Variants in RBM47 observed in about 807,000 individuals in gnomAD.
RBM47 encodes RNA binding motif protein 47, also known as RNA-binding protein 47.
A neutral mutation model predicts 47.1 loss-of-function variants in RBM47; 21 were observed. That is an observed-to-expected ratio of 0.45 (90% confidence interval 0.32 to 0.64). RBM47 has a LOEUF of 0.64. RBM47 is among the 30% of genes least tolerant of loss of function. The pLI is 0.05. For synonymous variants in RBM47, 375 were observed against 361.7 expected, an observed-to-expected ratio of 1.04 and a Z score of -0.42; for missense variants, 708 against 870.9, an observed-to-expected ratio of 0.81 and a Z score of 2.35.
At chr4:40,459,291 A>T (rs978341098) in intron 3 of RBM47, among the ~76,000 whole-genome samples, 1 of 152,242 alleles carries the variant, frequency 6.6e-6, no homozygotes, top group Admixed American at 6.5e-5. Flanking sequence ...GAATGAATGA[A>T]TGTGCACTGT....
intron 2 of RBM47, among the ~76,000 whole-genome samples, chr4:40,527,375 C>T (rs1726836791): frequency 6.6e-6 from 1 of 150,406 alleles, no homozygotes; most frequent in African/African-American, 2.5e-5. Flanking sequence ...CAACCTCTGC[C>T]TCCCAGATTC....
Position 40,473,195 on chromosome 4 carries a change from C to T in RBM47, c.-154-6496G>A, listed in dbSNP as rs577565186. On this transcript the variant is annotated intron_variant, in intron 2 of 6. Transcript: ENST00000295971. ...ATGGCACTAAGCATTCCACATACAT[C>T]GTCTTATTTAATCATTGCTACAACC... is the stretch of plus-strand genomic sequence containing the variant. Among the ~76,000 whole-genome samples the T allele has an allele frequency of 2.0e-5, 3 of 152,224 alleles. No homozygotes were observed. The East Asian group carries it at 5.8e-4, about 29-fold the overall frequency.
In RBM47 at chr4:40,425,124, AG is replaced by A. The variant is rs1422784951; in HGVS notation, c.*779del. 1 of 152,544 alleles carries A rather than the reference AG, an allele frequency of 6.6e-6. No individual in the cohort carries two copies. Among genetic ancestry groups the A allele is most frequent in the East Asian group, 1.9e-4 (1 of 5,196 alleles). The allele number at this position is 152,544 out of a possible 1,614,324, so 9.4% of individuals were successfully genotyped here. ...CGGTGGGATTGGGAATCTGGGGAGG[AG>A]GGGACAGGGTGAGAGATGTGGGAGT... On this transcript the variant is annotated 3_prime_UTR_variant, in exon 7 of 7. Coordinates refer to ENST00000295971, the MANE Select transcript of RBM47 (RefSeq NM_001098634.2).
At chr4:40,484,453 T>A (rs1237917281) in intron 2 of RBM47, among the ~76,000 whole-genome samples, 4 of 152,088 alleles carry the variant, frequency 2.6e-5, no homozygotes, top group Admixed American at 2.6e-4. Flanking sequence ...CCATTGGGTT[T>A]CCTAGCTGAC....
At chr4:40,551,898 C>G (rs1477111033) in intron 1 of RBM47, among the ~76,000 whole-genome samples, 2 of 152,032 alleles carry the variant, frequency 1.3e-5, no homozygotes, top group African/African-American at 4.8e-5. Flanking sequence ...ATTCACCTGC[C>G]TTGGCCTCCC....
intron 3 of RBM47, among the ~76,000 whole-genome samples, chr4:40,453,414 C>A (rs996330462): frequency 3.9e-5 from 6 of 152,180 alleles, no homozygotes; most frequent in African/African-American, 1.4e-4. Context: ...GATTGAAAAT[C>A]TGCACATTTC....
chr4:40,436,943 C>CAAAAA, intron 4 of RBM47: 2 of 390,864 alleles, frequency 5.1e-6, no homozygotes, highest in Admixed American at 3.0e-5. Context: ...TCCCCCCCGC[C>CAAAAA]AAAAAAAAAA....
intron 1 of RBM47, among the ~76,000 whole-genome samples, chr4:40,601,187 C>CTATA (rs1332460239): frequency 6.6e-6 from 1 of 152,036 alleles, no homozygotes; most frequent in Non-Finnish European, 1.5e-5. Context: ...ATCTGCTTTG[C>CTATA]TATAATTAGC....
At chr4:40,477,158 G>A (rs1207846505) in intron 2 of RBM47, among the ~76,000 whole-genome samples, 1 of 152,166 alleles carries the variant, frequency 6.6e-6, no homozygotes, top group Non-Finnish European at 1.5e-5. Flanking sequence ...ACTCCAGCCT[G>A]GGCAACACAG....
intron 1 of RBM47, among the ~76,000 whole-genome samples, chr4:40,587,216 C>T (rs986227930): frequency 6.6e-6 from 1 of 151,990 alleles, no homozygotes; most frequent in African/African-American, 2.4e-5. Flanking sequence ...ACGGGAAGAA[C>T]AGTTTGAACA....
At chr4:40,568,913 G>A (rs544652679) in intron 1 of RBM47, among the ~76,000 whole-genome samples, 14 of 151,848 alleles carry the variant, frequency 9.2e-5, no homozygotes, top group Admixed American at 3.3e-4. Context: ...ACCGGGAGGC[G>A]GAGGTTACAG....
rs112746208 is a variant in RBM47, at chr4:40,536,972, G to A, written c.-155+7450C>T. Among the ~76,000 whole-genome samples the A allele has an allele frequency of 1.3e-3, 201 of 152,122 alleles. 1 individual carries two copies. Among genetic ancestry groups the A allele is most frequent in the African/African-American group, 4.6e-3 (193 of 41,514 alleles). On this transcript the variant is annotated intron_variant, in intron 2 of 6. Transcript: ENST00000295971. ...TCAAACTCCTGATCTCAAATGATCT[G>A]CGCCCAGCCTGCCTTTTCAGTTTTG... is the stretch of plus-strand genomic sequence containing the variant.
chr4:40,482,077 G>A (rs1720513815), intron 2 of RBM47, among the ~76,000 whole-genome samples: 1 of 152,168 alleles, frequency 6.6e-6, no homozygotes, highest in Non-Finnish European at 1.5e-5. Flanking sequence ...TCCTCTTGGA[G>A]AGATCATTAA....
intron 2 of RBM47, among the ~76,000 whole-genome samples, chr4:40,516,244 C>T (rs1725557836): frequency 6.7e-6 from 1 of 148,248 alleles, no homozygotes. Context: ...GGCGATGATT[C>T]TCTTTTTCTT....
intron 2 of RBM47, among the ~76,000 whole-genome samples, chr4:40,467,382 C>G (rs779794100): frequency 5.3e-5 from 8 of 150,674 alleles, no homozygotes; most frequent in Non-Finnish European, 1.2e-4. Context: ...CGCCACCTCC[C>G]AGGTTCATGC....
chr4:40,439,021 G>A, intron 3 of RBM47, 97 bp from the exon 4 acceptor site: 2 of 1,046,828 alleles, frequency 1.9e-6, no homozygotes, highest in Non-Finnish European at 2.7e-6. Flanking sequence ...AATAGGCCAC[G>A]GGGAAGGGGA....
intron 1 of RBM47, among the ~76,000 whole-genome samples, chr4:40,575,552 CAAA>C (rs33963787): frequency 0.01 from 1,021 of 98,360 alleles, 35 homozygotes; most frequent in African/African-American, 0.034. Context: ...AACTCCATCT[CAAA>C]AAAAAAAAAA....
chr4:40,554,822 C>T (rs950648888), intron 1 of RBM47, among the ~76,000 whole-genome samples: 25 of 144,144 alleles, frequency 1.7e-4, no homozygotes, highest in South Asian at 7.5e-4. Flanking sequence ...AGGGCAGTGG[C>T]GTGATCTCGG....
intron 3 of RBM47, among the ~76,000 whole-genome samples, chr4:40,447,765 C>T (rs564636573): frequency 6.6e-6 from 1 of 152,314 alleles, no homozygotes; most frequent in South Asian, 2.1e-4. Flanking sequence ...AATCCCAGCA[C>T]TTTGGGAGGC....
Sources: gnomAD v4.1 joint callset for allele counts (sites outside exome capture counted in the v4.1 genomes callset) on GRCh38, gnomAD v4.1.1 for gene constraint, MANE v1.5 for transcripts, NCBI Gene and HGNC (gene_info 2026-07-23, HGNC 2026-07-21) for gene names.